TIAM1: variants seen among roughly 807,000 people sequenced by gnomAD.
The protein encoded by TIAM1 is TIAM Rac1 associated GEF 1.
TIAM1 carries 65 observed loss-of-function variants against 163.5 expected under a neutral mutation model. The observed-to-expected ratio is 0.40, with a 90% CI of 0.33 to 0.49. TIAM1 has a LOEUF of 0.49. TIAM1 is among the 20% of genes least tolerant of loss of function. The pLI, the probability that TIAM1 is intolerant of heterozygous loss-of-function variation, is 0.77. For synonymous variants in TIAM1, 833 were observed against 810.1 expected, an observed-to-expected ratio of 1.03 and a Z score of -0.48; for missense variants, 1,789 against 2,044.7, an observed-to-expected ratio of 0.87 and a Z score of 2.41.
chr21:31,183,841 C>T (rs1026557570), intron 14 of TIAM1, among the ~76,000 whole-genome samples: 3 of 151,576 alleles, frequency 2.0e-5, no homozygotes, highest in Non-Finnish European at 2.9e-5. Flanking sequence ...ATTACAGGCA[C>T]TCACCACCAC....
chr21:31,183,307 G>A (rs1423644011), intron 14 of TIAM1, among the ~76,000 whole-genome samples: 1 of 152,070 alleles, frequency 6.6e-6, no homozygotes, highest in Admixed American at 6.5e-5. Flanking sequence ...GGGACCCAAG[G>A]GAACGACCAT....
Position 31,223,547 on chromosome 21 carries a change from C to T in TIAM1, c.1854G>A (p.Leu618=), listed in dbSNP as rs761429693. 11 of 1,613,014 alleles carry T rather than the reference C, an allele frequency of 6.8e-6. No homozygotes were observed. The highest frequency in any genetic ancestry group is 1.3e-5 in the African/African-American group (1 of 74,898). The change falls in exon 8 of 28, where the codon CTG becomes CTA. Residue 618 remains leucine (L), a synonymous_variant. Transcript: ENST00000541036. ...EQNLEQFQMD[L]FRFRCYLASL... ...TGGCTAAATAACAGCGGAAACGAAA[C>T]AGGTCCATTTGGAACTGCTCGAGAT...
chr21:31,245,875 G>A (rs1411062854), intron 5 of TIAM1, among the ~76,000 whole-genome samples: 1 of 152,154 alleles, frequency 6.6e-6, no homozygotes, highest in Non-Finnish European at 1.5e-5. Flanking sequence ...GCCTGCCCGG[G>A]TTTCCTTCCT....
chr21:31,185,521 CTAATA>C (rs577006503), intron 14 of TIAM1, among the ~76,000 whole-genome samples: 1,673 of 136,224 alleles, frequency 0.012, 40 homozygotes, highest in African/African-American at 0.042. Context: ...ATATAATATG[CTAATA>C]TAATATATTA....
chr21:31,271,868 T>A (rs1344225982), intron 3 of TIAM1, among the ~76,000 whole-genome samples: 1 of 152,176 alleles, frequency 6.6e-6, no homozygotes, highest in East Asian at 1.9e-4. Flanking sequence ...AGGATGAGTG[T>A]GATTTTTCTT....
At chr21:31,299,634 G>C (rs2074425834) in intron 2 of TIAM1, among the ~76,000 whole-genome samples, 1 of 152,202 alleles carries the variant, frequency 6.6e-6, no homozygotes, top group East Asian at 1.9e-4. Flanking sequence ...GACGACAGCA[G>C]TCTCAAGCCC....
chr21:31,160,552 G>T, intron 16 of TIAM1: 1 of 398,622 alleles, frequency 2.5e-6, no homozygotes, highest in South Asian at 1.3e-4. Context: ...GTATTCTCAT[G>T]GTAATTAATT....
intron 1 of TIAM1, among the ~76,000 whole-genome samples, chr21:31,542,621 G>A (rs957047016): frequency 3.9e-5 from 6 of 151,992 alleles, no homozygotes; most frequent in African/African-American, 1.2e-4. Flanking sequence ...AAATTCTTCC[G>A]CAACCATTTG....
intron 6 of TIAM1, among the ~76,000 whole-genome samples, chr21:31,242,860 C>CAAAA (rs11417948): frequency 2.1e-5 from 2 of 95,056 alleles, no homozygotes; most frequent in African/African-American, 4.6e-5. Context: ...GACTCTGTCT[C>CAAAA]AAAAAAAAAA....
At chr21:31,399,195 A>G (rs925971789) in intron 2 of TIAM1, among the ~76,000 whole-genome samples, 5 of 152,138 alleles carry the variant, frequency 3.3e-5, no homozygotes, top group Non-Finnish European at 7.3e-5. Context: ...GACATTTTAG[A>G]TATAACATCA....
chr21:31,183,717 C>T (rs148866400), intron 14 of TIAM1, among the ~76,000 whole-genome samples: 2,380 of 147,524 alleles, frequency 0.016, 21 homozygotes, highest in Middle Eastern at 0.055. Flanking sequence ...TTTTTTGAGA[C>T]GGAGTCTCAC....
intron 2 of TIAM1, among the ~76,000 whole-genome samples, chr21:31,429,970 C>T (rs144665554): frequency 0.013 from 1,960 of 152,112 alleles, 42 homozygotes; most frequent in African/African-American, 0.044. Flanking sequence ...CTTTGGGAGG[C>T]CTAGGCAGGT....
upstream of TIAM1, chr21:31,559,034 G>C (rs1384215430): frequency 6.6e-6 from 1 of 151,800 alleles, no homozygotes; most frequent in African/African-American, 2.4e-5. Flanking sequence ...AGAGCTGCGC[G>C]CCCGACGGCG....
chr21:31,227,496 G>C (rs2088056796), intron 6 of TIAM1, among the ~76,000 whole-genome samples: 1 of 152,170 alleles, frequency 6.6e-6, no homozygotes, highest in Non-Finnish European at 1.5e-5. Flanking sequence ...TATTTTGCCT[G>C]TGGATAAACA....
intron 1 of TIAM1, among the ~76,000 whole-genome samples, chr21:31,468,785 G>C (rs1490632087): frequency 6.6e-6 from 1 of 151,812 alleles, no homozygotes; most frequent in South Asian, 2.1e-4. Flanking sequence ...CAAAAAAAAC[G>C]AACCTAGAAG....
At chr21:31,438,792 T>G (rs1359865350) in intron 2 of TIAM1, among the ~76,000 whole-genome samples, 1 of 152,122 alleles carries the variant, frequency 6.6e-6, no homozygotes, top group East Asian at 1.9e-4. Flanking sequence ...TTCTGTGCAT[T>G]GTAGGATGTT....
chr21:31,234,867 T>G (rs919615738), intron 6 of TIAM1, among the ~76,000 whole-genome samples: 2 of 151,686 alleles, frequency 1.3e-5, no homozygotes, highest in African/African-American at 4.8e-5. Context: ...GAAATGATGC[T>G]AAAGAGAAAA....
At chr21:31,414,085 G>T (rs1295024159) in intron 2 of TIAM1, among the ~76,000 whole-genome samples, 2 of 152,178 alleles carry the variant, frequency 1.3e-5, no homozygotes, top group African/African-American at 4.8e-5. Context: ...ACCGCCTCAG[G>T]CTCTCAGGAG....
At chr21:31,235,093 G>T (rs2088672460) in intron 6 of TIAM1, among the ~76,000 whole-genome samples, 1 of 152,156 alleles carries the variant, frequency 6.6e-6, no homozygotes, top group South Asian at 2.1e-4. Flanking sequence ...TTCTACAGAG[G>T]CTGTTGTACA....
Sources: gnomAD v4.1 joint callset for allele counts (sites outside exome capture counted in the v4.1 genomes callset) on GRCh38, gnomAD v4.1.1 for gene constraint, MANE v1.5 for transcripts, NCBI Gene and HGNC (gene_info 2026-07-23, HGNC 2026-07-21) for gene names.